Variants in MEX3D observed in about 807,000 individuals in gnomAD.
MEX3D encodes mex-3 RNA binding family member D, also known as RNA-binding protein MEX3D.
MEX3D carries 4 observed loss-of-function variants against 6.3 expected under a neutral mutation model. That is an observed-to-expected ratio of 0.64 (90% CI 0.31 to 1.46). The LOEUF is 1.46. Among genes scored for constraint, MEX3D ranks in the 40% most tolerant of loss-of-function variants. The pLI is 0.07. For synonymous variants in MEX3D, 626 were observed against 494.1 expected, an observed-to-expected ratio of 1.27 and a Z score of -3.54; for missense variants, 1,038 against 994.4, an observed-to-expected ratio of 1.04 and a Z score of -0.59.
At chr19:1,559,041 G>A (rs1914654131) in intron 1 of MEX3D, among the ~76,000 whole-genome samples, 5 of 151,308 alleles carry the variant, frequency 3.3e-5, no homozygotes, top group Admixed American at 3.3e-4. Context: ...AGGCTGGAGT[G>A]CAGTGGTGTG....
Position 1,568,272 on chromosome 19 carries a change from C to G in MEX3D, c.-214G>C, listed in dbSNP as rs1300495226. Among the ~76,000 whole-genome samples the G allele has an allele frequency of 1.4e-5, 2 of 138,120 alleles. No homozygotes were observed. The highest frequency in any genetic ancestry group is 4.7e-4 in the East Asian group (2 of 4,290). The allele number at this position is 138,120 out of a possible 152,430, so 90.6% of individuals were successfully genotyped here. A position where few individuals can be genotyped will look rare whatever the true frequency, so the allele number is the denominator to read the frequency against. ...GGCGGCAGCGACTCTGGCTGCGGCT[C>G]GGCGGCGGCGGCGACGGCGGCGGCG... On this transcript the variant is annotated 5_prime_UTR_variant, in exon 1 of 2. Transcript: ENST00000402693.
In MEX3D at chr19:1,556,745, C is replaced by A. The variant is rs1453943366; in HGVS notation, c.774G>T (p.Gly258=). 1.2e-6 allele frequency: 2 copies of A among 1,612,082 alleles called. No individual in the cohort carries two copies. Among genetic ancestry groups the A allele is most frequent in the Non-Finnish European group, 1.7e-6 (2 of 1,179,560 alleles). Residue 258 remains glycine (G), a synonymous_variant, in exon 2 of 2, where the codon GGG becomes GGT. Transcript: ENST00000402693. This position sits in a 1 kb window ranked among gnomAD's most constrained non-coding sequence, Gnocchi z 7.5. ...GGCCCTGGGCGGCGCCGGGCAGACCCCCGGCCTTGCTGCGCGTGGCGCGGA... is the reference window on the plus strand; with the variant it reads ...GGCCCTGGGCGGCGCCGGGCAGACCACCGGCCTTGCTGCGCGTGGCGCGGA... ...SIIRATRSKA[G]GLPGAAQGPP...
Position 1,555,364 on chromosome 19 carries a change from G to A in MEX3D, c.*199C>T, listed in dbSNP as rs1568262848. On this transcript the variant is annotated 3_prime_UTR_variant, in exon 2 of 2. Coordinates refer to ENST00000402693, the MANE Select transcript of MEX3D (RefSeq NM_203304.4). ...GTCGTTGAAGGGCTGAGGCGCCGCCGGGCTGCGGGGTCTCCGTCTCCACGC... is the reference window on the plus strand; with the variant it reads ...GTCGTTGAAGGGCTGAGGCGCCGCCAGGCTGCGGGGTCTCCGTCTCCACGC... The A allele has an allele frequency of 1.1e-5, 17 of 1,601,672 alleles. No homozygotes were observed. The highest frequency in any genetic ancestry group is 2.7e-5 in the African/African-American group (2 of 74,372).
chr19:1,556,726 G>C lies in MEX3D; in HGVS notation c.793C>G (p.Gln265Glu), dbSNP rs1358798831. ...SKAGGLPGAA[Q>E]GPPNLPGQTT... Reference sequence around the variant, plus strand: ...TGTCCGGGAAGGTTGGGCGGGCCCTGGGCGGCGCCGGGCAGACCCCCGGCC... The same window carrying C: ...TGTCCGGGAAGGTTGGGCGGGCCCTCGGCGGCGCCGGGCAGACCCCCGGCC... The change falls in exon 2 of 2, where the codon CAG becomes GAG. Residue 265 changes from glutamine (Q) to glutamate (E), a missense_variant. Physicochemically the swap from Gln to Glu is conservative, Grantham distance 29 (BLOSUM62 2). Coordinates refer to ENST00000402693, the MANE Select transcript of MEX3D (RefSeq NM_203304.4). This position sits in a 1 kb window ranked among gnomAD's most constrained non-coding sequence, Gnocchi z 7.5. The C allele has an allele frequency of 1.9e-6, 3 of 1,611,398 alleles. No homozygotes were observed. The South Asian group carries it at 3.3e-5, about 18-fold the overall frequency.
intron 1 of MEX3D, among the ~76,000 whole-genome samples, chr19:1,566,117 G>A (rs1326745287): frequency 6.6e-6 from 1 of 152,192 alleles, no homozygotes; most frequent in Non-Finnish European, 1.5e-5. Flanking sequence ...CGGGTGGAAG[G>A]CCTCAATGGG....
Position 1,556,409 on chromosome 19 carries a change from G to T in MEX3D, c.1110C>A (p.Ala370=). The change falls in exon 2 of 2, where the codon GCC becomes GCA. Residue 370 remains alanine, a synonymous_variant. Coordinates refer to ENST00000402693, the MANE Select transcript of MEX3D (RefSeq NM_203304.4). This position sits in a 1 kb window ranked among gnomAD's most constrained non-coding sequence, Gnocchi z 7.5. ...DVCLDLLGAA[A]SLWAKTPNQG... The stretch of plus-strand genomic sequence containing the variant: ...GGTTGGGGGTCTTGGCCCAGAGGCT[G>T]GCGGCCGCCCCGAGCAGGTCCAGGC... 6.4e-7 allele frequency: 1 copy of T among 1,573,942 alleles called. No individual in the cohort carries two copies.
chr19:1,555,247 T>C lies in MEX3D; in HGVS notation c.*316A>G. Reference sequence around the variant, plus strand: ...TGTTTTGCTTTTTTAAAGATCACCCTGGAGGGGAGGGGTGTCTAAAAATAA... The same window carrying C: ...TGTTTTGCTTTTTTAAAGATCACCCCGGAGGGGAGGGGTGTCTAAAAATAA... On this transcript the variant is annotated 3_prime_UTR_variant, in exon 2 of 2. Transcript: ENST00000402693. The C allele has an allele frequency of 7.2e-7, 1 of 1,383,140 alleles. No individual in the cohort carries two copies. Among genetic ancestry groups the C allele is most frequent in the Middle Eastern group, 2.1e-4 (1 of 4,812 alleles). The allele number at this position is 1,383,140 out of a possible 1,614,324, so 85.7% of individuals were successfully genotyped here. A position where few individuals can be genotyped will look rare whatever the true frequency, so the allele number is the denominator to read the frequency against.
chr19:1,561,578 C>T (rs1473355922), intron 1 of MEX3D, among the ~76,000 whole-genome samples: 5 of 152,154 alleles, frequency 3.3e-5, no homozygotes, highest in Non-Finnish European at 7.4e-5. Flanking sequence ...CACACCCGTA[C>T]GTAGTTCCGG....
intron 1 of MEX3D, among the ~76,000 whole-genome samples, chr19:1,561,189 G>A (rs915764550): frequency 6.6e-6 from 1 of 152,254 alleles, no homozygotes; most frequent in East Asian, 1.9e-4. Flanking sequence ...GCCCGTCCAG[G>A]GTCCTGGCTG....
At chr19:1,558,643 A>C (rs913279244) in intron 1 of MEX3D, among the ~76,000 whole-genome samples, 1 of 152,232 alleles carries the variant, frequency 6.6e-6, no homozygotes, top group Admixed American at 6.5e-5. Context: ...CAGGAGGGGA[A>C]GCCGAAATTC....
In MEX3D at chr19:1,556,798, G is replaced by C. The variant is rs147450688; in HGVS notation, c.721C>G (p.Leu241Val). The part of the protein sequence containing the change: ...EDVEMAKREI[L>V]SAAEHFSIIR... ...ATGGAGAAGTGTTCGGCCGCCGACA[G>C]GATCTCACGCTTGGCCATCTCCACG... Residue 241 changes from leucine (L) to valine (V), a missense_variant, in exon 2 of 2, where the codon CTG becomes GTG. Physicochemically the swap from Leu to Val is conservative, Grantham distance 32. Coordinates refer to ENST00000402693, the MANE Select transcript of MEX3D (RefSeq NM_203304.4). The surrounding 1 kb of genome is among the most constrained non-coding windows in gnomAD (Gnocchi z 7.5). 1.9e-6 allele frequency: 3 copies of C among 1,612,642 alleles called. No individual in the cohort carries two copies. The highest frequency in any genetic ancestry group is 2.5e-6 in the Non-Finnish European group (3 of 1,179,798).
intron 1 of MEX3D, among the ~76,000 whole-genome samples, chr19:1,566,588 G>GGC (rs2145578212): frequency 6.6e-6 from 1 of 152,262 alleles, no homozygotes; most frequent in African/African-American, 2.4e-5. Context: ...GGGGAGGGGT[G>GGC]GCGGGAAGGC....
chr19:1,561,945 C>A (rs1458691626), intron 1 of MEX3D, among the ~76,000 whole-genome samples: 1 of 151,848 alleles, frequency 6.6e-6, no homozygotes, highest in Non-Finnish European at 1.5e-5. Flanking sequence ...CCATATCCGG[C>A]CTCTACAAAA....
intron 1 of MEX3D, among the ~76,000 whole-genome samples, chr19:1,557,327 G>A (rs938545747): frequency 6.6e-6 from 1 of 152,108 alleles, no homozygotes; most frequent in African/African-American, 2.4e-5. Context: ...CACTTTGGGA[G>A]GCCGAGGCAG....
At chr19:1,562,381 C>T (rs1269873264) in intron 1 of MEX3D, among the ~76,000 whole-genome samples, 2 of 151,648 alleles carry the variant, frequency 1.3e-5, no homozygotes, top group African/African-American at 2.4e-5. Context: ...AAAAATTAGC[C>T]GGGCGTGGTG....
chr19:1,556,507 T>C lies in MEX3D; in HGVS notation c.1012A>G (p.Ile338Val). 5 of 1,605,896 alleles carry C rather than the reference T, an allele frequency of 3.1e-6. No individual in the cohort carries two copies. The highest frequency in any genetic ancestry group is 1.7e-5 in the Admixed American group (1 of 59,832). Residue 338 changes from isoleucine (I) to valine (V), a missense_variant, in exon 2 of 2, where the codon ATC (isoleucine) becomes GTC (valine). Coordinates refer to ENST00000402693, the MANE Select transcript of MEX3D (RefSeq NM_203304.4). This position sits in a 1 kb window ranked among gnomAD's most constrained non-coding sequence, Gnocchi z 7.5. ...DRAREEIEAH[I>V]TLRTGAFTDA... ...GTGAAGGCGCCAGTGCGCAGCGTGA[T>C]GTGCGCCTCGATCTCCTCGCGCGCG... is the stretch of plus-strand genomic sequence containing the variant.
At position 1,567,398 on chromosome 19, in the gene MEX3D, C is replaced by A. The variant is rs1017579957; in HGVS notation, c.595+66G>T. On this transcript the variant is annotated intron_variant, in intron 1 of 1. Coordinates refer to ENST00000402693, the MANE Select transcript of MEX3D (RefSeq NM_203304.4). The surrounding 1 kb of genome is among the most constrained non-coding windows in gnomAD (Gnocchi z 6.5). Reference sequence around the variant, plus strand: ...CGCGGGCTGGGCTGGGCTCGGGCGACCCCCTTCCCCGGGGCGGACGGTGCG... The same window carrying A: ...CGCGGGCTGGGCTGGGCTCGGGCGAACCCCTTCCCCGGGGCGGACGGTGCG... The A allele has an allele frequency of 4.8e-6, 7 of 1,469,830 alleles. No homozygotes were observed. The highest frequency in any genetic ancestry group is 6.3e-6 in the Non-Finnish European group (7 of 1,114,340). The allele number at this position is 1,469,830 out of a possible 1,614,324, so 91.0% of individuals were successfully genotyped here.
Position 1,556,527 on chromosome 19 carries a change from C to T in MEX3D, c.992G>A (p.Arg331His). ...TGMPENVDRA[R>H]EEIEAHITLR... ...CGTGATGTGCGCCTCGATCTCCTCGCGCGCGCGGTCCACGTTCTCGGGCAT... is the reference window on the plus strand; with the variant it reads ...CGTGATGTGCGCCTCGATCTCCTCGTGCGCGCGGTCCACGTTCTCGGGCAT... The change falls in exon 2 of 2, where the codon CGC becomes CAC. Residue 331 changes from arginine (R) to histidine (H), a missense_variant. Around this residue, in one of 5 missense-constraint regions of MEX3D, gnomAD observed 65 missense variants for 109.3 expected, o/e 0.59. Coordinates refer to ENST00000402693, the MANE Select transcript of MEX3D (RefSeq NM_203304.4). This position sits in a 1 kb window ranked among gnomAD's most constrained non-coding sequence, Gnocchi z 7.5. The T allele has an allele frequency of 6.2e-7, 1 of 1,606,632 alleles. No homozygotes were observed. Among genetic ancestry groups the T allele is most frequent in the South Asian group, 1.1e-5 (1 of 90,888 alleles).
chr19:1,557,102 G>A (rs1914593794), intron 1 of MEX3D, among the ~76,000 whole-genome samples, 179 bp from the exon 2 acceptor site: 1 of 152,160 alleles, frequency 6.6e-6, no homozygotes, highest in Non-Finnish European at 1.5e-5. Context: ...TTCCCCTCTG[G>A]GCTCGAGTTT....
Sources: gnomAD v4.1 joint callset for allele counts (sites outside exome capture counted in the v4.1 genomes callset) on GRCh38, gnomAD v4.1.1 for gene constraint, gnomAD v4.1.1 regional missense constraint, Gnocchi (gnomAD v3.1) non-coding constraint, MANE v1.5 for transcripts, NCBI Gene and HGNC (gene_info 2026-07-23, HGNC 2026-07-21) for gene names.